Variants in LRRN2 observed in about 807,000 individuals in gnomAD.
LRRN2 encodes the protein leucine-rich repeat neuronal protein 2.
In LRRN2, 10 loss-of-function variants were observed where a neutral mutation model predicts 35.7. That is an observed-to-expected ratio of 0.28 (90% CI 0.17 to 0.47). The LOEUF is 0.47. LRRN2 is among the 20% of genes least tolerant of loss of function. LRRN2 has a pLI of 0.99. For missense variants in LRRN2, 731 were observed against 940.3 expected, an observed-to-expected ratio of 0.78 and a Z score of 2.91; for synonymous variants, 391 against 409.6, an observed-to-expected ratio of 0.95 and a Z score of 0.55.
intron 1 of LRRN2, among the ~76,000 whole-genome samples, chr1:204,644,693 G>A (rs910389073): frequency 3.3e-5 from 5 of 152,180 alleles, no homozygotes; most frequent in African/African-American, 1.2e-4. Context: ...TCCCCAGACT[G>A]AGCTTCTCAA....
At chr1:204,639,156 C>G (rs4951085) in intron 1 of LRRN2, among the ~76,000 whole-genome samples, 82,180 of 152,142 alleles carry the variant, frequency 0.54, 23,546 homozygotes, top group East Asian at 0.68. Context: ...CCAGGCTTAG[C>G]AGCCCAGAGC....
chr1:204,657,322 G>A (rs1668379032), intron 1 of LRRN2, among the ~76,000 whole-genome samples: 1 of 100,722 alleles, frequency 9.9e-6, no homozygotes, highest in Non-Finnish European at 2.0e-5. Flanking sequence ...ATATCTATGT[G>A]TCTATATATA....
chr1:204,671,672 C>CAAAAAAAAAAAA (rs1571682160), intron 1 of LRRN2, among the ~76,000 whole-genome samples: 1 of 48,672 alleles, frequency 2.1e-5, no homozygotes, highest in East Asian at 6.1e-4. Flanking sequence ...AAAAAAAAAG[C>CAAAAAAAAAAAA]AAAGGTGCCA....
At chr1:204,663,673 A>G (rs1480632412) in intron 1 of LRRN2, among the ~76,000 whole-genome samples, 3 of 152,136 alleles carry the variant, frequency 2.0e-5, no homozygotes, top group Non-Finnish European at 2.9e-5. Context: ...CAAGCACAAG[A>G]GGAAATGCTG....
In LRRN2 at chr1:204,618,961, G is replaced by A. The variant is rs1299643098; in HGVS notation, c.1032C>T (p.Asn344=). The A allele has an allele frequency of 3.7e-6, 6 of 1,613,982 alleles. No individual in the cohort carries two copies. Among genetic ancestry groups the A allele is most frequent in the Non-Finnish European group, 4.2e-6 (5 of 1,179,970 alleles). Residue 344 remains asparagine, a synonymous_variant, in exon 2 of 2, where the codon AAC becomes AAT. Transcript: ENST00000367177. ...LPQMETLMLN[N]NALSALHQQT... Reference sequence around the variant, plus strand: ...GCTGGTGCAAGGCACTGAGAGCGTTGTTGTTGAGCATGAGGGTCTCCATCT... The same window carrying A: ...GCTGGTGCAAGGCACTGAGAGCGTTATTGTTGAGCATGAGGGTCTCCATCT...
chr1:204,620,188 C>CA lies in LRRN2; in HGVS notation c.-197dup. On this transcript the variant is annotated 5_prime_UTR_variant, in exon 2 of 2. It removes the in-frame stop codon of an upstream open reading frame in the 5' UTR. Coordinates refer to ENST00000367177, the MANE Select transcript of LRRN2 (RefSeq NM_201630.2). ...CTTGTCCTCTGGGGCTGGGCCTGCT[C>CA]AGTCATTGCCAGGCCCCATCAGGGG... 6.9e-7 allele frequency: 1 copy of CA among 1,444,318 alleles called. No individual in the cohort carries two copies. The highest frequency in any genetic ancestry group is 9.1e-7 in the Non-Finnish European group (1 of 1,097,438). 89.5% of individuals were successfully genotyped at this position (1,444,318 alleles called of 1,614,324 possible).
intron 1 of LRRN2, among the ~76,000 whole-genome samples, chr1:204,665,822 C>T (rs1036066768): frequency 6.6e-6 from 1 of 152,216 alleles, no homozygotes; most frequent in South Asian, 2.1e-4. Context: ...CTTCCAACAG[C>T]TCCACAAATC....
At position 204,652,271 on chromosome 1, in the gene LRRN2, G is replaced by GC. The variant is rs139729831; in HGVS notation, c.-226-32054dup. ...CTCTCCTCTTCACCGCCCCCCCCCC[G>GC]CCCCCCCGCCGCCTTCCTCCTTGCC... is the stretch of plus-strand genomic sequence containing the variant. On this transcript the variant is annotated intron_variant, in intron 1 of 1. Transcript: ENST00000367177. Among the ~76,000 whole-genome samples the GC allele has an allele frequency of 1.3e-3, 91 of 70,636 alleles. 3 individuals are homozygous for GC. Among genetic ancestry groups the GC allele is most frequent in the Admixed American group, 2.1e-3 (18 of 8,656 alleles). The allele number at this position is 70,636 out of a possible 152,430, so 46.3% of individuals were successfully genotyped here.
At chr1:204,636,279 C>T (rs1030412527) in intron 1 of LRRN2, among the ~76,000 whole-genome samples, 4 of 152,188 alleles carry the variant, frequency 2.6e-5, no homozygotes, top group African/African-American at 9.7e-5. Flanking sequence ...ATAATGAGAT[C>T]CCCCAATAAT....
chr1:204,639,567 G>A (rs1288790897), intron 1 of LRRN2, among the ~76,000 whole-genome samples: 4 of 152,218 alleles, frequency 2.6e-5, no homozygotes, highest in Non-Finnish European at 4.4e-5. Flanking sequence ...TTGAGCCCAG[G>A]AGGTGAGGCT....
At chr1:204,680,428 AAC>A (rs1571689271) in intron 1 of LRRN2, among the ~76,000 whole-genome samples, 2 of 152,202 alleles carry the variant, frequency 1.3e-5, no homozygotes, top group East Asian at 1.9e-4. Context: ...GGGTGCAAGA[AAC>A]ACACAGAAAA....
At chr1:204,633,322 C>G (rs370066852) in intron 1 of LRRN2, 1 of 152,152 alleles carries the variant, frequency 6.6e-6, no homozygotes, top group Admixed American at 6.5e-5. Context: ...AAATGGACTA[C>G]GATCTATGTG....
At chr1:204,638,312 G>A (rs948480852) in intron 1 of LRRN2, among the ~76,000 whole-genome samples, 8 of 150,396 alleles carry the variant, frequency 5.3e-5, no homozygotes, top group African/African-American at 1.7e-4. Flanking sequence ...GAATCCCCCC[G>A]CACCGTTGGA....
chr1:204,641,619 A>G (rs1667979140), intron 1 of LRRN2, among the ~76,000 whole-genome samples: 1 of 152,228 alleles, frequency 6.6e-6, no homozygotes. Flanking sequence ...ACTGATGGTG[A>G]AATGGAGGCT....
intron 1 of LRRN2, among the ~76,000 whole-genome samples, chr1:204,631,332 G>A (rs1472213781): frequency 6.2e-5 from 7 of 112,966 alleles, no homozygotes; most frequent in Non-Finnish European, 1.2e-4. Flanking sequence ...TGACAGATTA[G>A]GTTGGGTTTT....
intron 1 of LRRN2, among the ~76,000 whole-genome samples, chr1:204,657,337 TATATACACACACACACACAC>T (rs1668381309): frequency 9.4e-6 from 1 of 106,568 alleles, no homozygotes; most frequent in Admixed American, 8.5e-5. Flanking sequence ...TATATATGTA[TATATACACACACACACACAC>T]ACACACACAC....
chr1:204,649,736 T>C (rs1558414616), intron 1 of LRRN2, among the ~76,000 whole-genome samples: 1 of 152,146 alleles, frequency 6.6e-6, no homozygotes, highest in Non-Finnish European at 1.5e-5. Context: ...TGGTCCAAGG[T>C]TCACTTCCCA....
intron 1 of LRRN2, among the ~76,000 whole-genome samples, chr1:204,675,612 T>C (rs537664148): frequency 1.3e-5 from 2 of 152,344 alleles, no homozygotes; most frequent in South Asian, 4.1e-4. Context: ...AAAGGACCCA[T>C]GTGATTACAC....
At chr1:204,676,247 G>A (rs1668821815) in intron 1 of LRRN2, among the ~76,000 whole-genome samples, 1 of 152,002 alleles carries the variant, frequency 6.6e-6, no homozygotes, top group South Asian at 2.1e-4. Context: ...ATAGCATCTT[G>A]TCTTTCCACA....
Sources: gnomAD v4.1 joint callset for allele counts (sites outside exome capture counted in the v4.1 genomes callset) on GRCh38, gnomAD v4.1.1 for gene constraint, MANE v1.5 for transcripts, NCBI Gene and HGNC (gene_info 2026-07-23, HGNC 2026-07-21) for gene names.